Variants in SLX9 observed in about 807,000 individuals in gnomAD.
The protein encoded by SLX9 is ribosome biogenesis protein SLX9 homolog.
Under a neutral mutation model 20.8 loss-of-function variants are expected in SLX9, and 19 were observed. The ratio of observed to expected loss-of-function variants is 0.91; its 90% CI spans 0.64 to 1.34. The LOEUF (loss-of-function observed/expected upper bound fraction) is 1.34, where lower values mean the gene tolerates loss of function less well. Ranked by LOEUF, SLX9 falls within the 40% of genes most tolerant of loss-of-function variation. The probability of loss-of-function intolerance (pLI) is 0.00; values close to 1 mark genes in which losing one functional copy is unlikely to be tolerated. For synonymous variants in SLX9, 113 were observed against 137.1 expected (o/e 0.82, Z 1.23); for missense variants, 299 against 322.2 (o/e 0.93, Z 0.55).
chr21:44,953,841 C>G (rs918281860), intron 2 of SLX9, among the ~76,000 whole-genome samples: 9 of 152,222 alleles, frequency 5.9e-5, no homozygotes, highest in Admixed American at 5.9e-4. Flanking sequence ...CTGGTACTTT[C>G]CTCGCTGCAA....
At chr21:44,966,367 G>A (rs2123437855) in intron 3 of SLX9, among the ~76,000 whole-genome samples, 1 of 152,332 alleles carries the variant, frequency 6.6e-6, no homozygotes, top group South Asian at 2.1e-4. Context: ...TTGCCCTGAA[G>A]AGAGCAGGCC....
chr21:44,952,141 GCC>G (rs1320559514), intron 2 of SLX9, among the ~76,000 whole-genome samples: 1 of 131,872 alleles, frequency 7.6e-6, no homozygotes, highest in Admixed American at 7.0e-5. Flanking sequence ...GGCTTGGCCA[GCC>G]TCTTCTGTGC....
intron 1 of SLX9, among the ~76,000 whole-genome samples, chr21:44,940,672 ATT>A (rs34771024): frequency 0.2 from 29,906 of 146,084 alleles, 3,126 homozygotes; most frequent in African/African-American, 0.24. Flanking sequence ...TGCTTTCAGG[ATT>A]TTTTTTTTTT....
intron 4 of SLX9, among the ~76,000 whole-genome samples, chr21:44,971,294 G>A (rs1395036314): frequency 2.0e-5 from 3 of 152,208 alleles, no homozygotes; most frequent in South Asian, 2.1e-4. Context: ...GTTAGGCCTC[G>A]TGGAGTCGCG....
At chr21:44,946,946 C>T (rs2084654334) in intron 2 of SLX9, among the ~76,000 whole-genome samples, 3 of 152,218 alleles carry the variant, frequency 2.0e-5, no homozygotes, top group African/African-American at 7.2e-5. Context: ...GTGGGACCTG[C>T]AGACCCTTAG....
chr21:44,947,971 C>T (rs1349585831), intron 2 of SLX9, among the ~76,000 whole-genome samples: 1 of 152,214 alleles, frequency 6.6e-6, no homozygotes, highest in Admixed American at 6.5e-5. Flanking sequence ...GTGGCAGAGC[C>T]GGGGTGAGCA....
chr21:44,946,427 G>A (rs1425373363), intron 2 of SLX9, among the ~76,000 whole-genome samples: 6 of 150,284 alleles, frequency 4.0e-5, no homozygotes, highest in Non-Finnish European at 8.8e-5. Flanking sequence ...TGAGGGGCAC[G>A]AGGATGGGAA....
At chr21:44,973,787 C>A (rs1037627187) in intron 5 of SLX9, among the ~76,000 whole-genome samples, 4 of 152,178 alleles carry the variant, frequency 2.6e-5, no homozygotes, top group African/African-American at 9.6e-5. Flanking sequence ...TGCCTCTAGT[C>A]CCCTCCACGC....
At chr21:44,955,766 G>A (rs1028712673) in intron 2 of SLX9, among the ~76,000 whole-genome samples, 4 of 152,234 alleles carry the variant, frequency 2.6e-5, no homozygotes, top group Non-Finnish European at 5.9e-5. Flanking sequence ...CACGGCTGCT[G>A]AAGTTTTGTT....
chr21:44,947,843 G>A (rs2084672029), intron 2 of SLX9, among the ~76,000 whole-genome samples: 1 of 152,226 alleles, frequency 6.6e-6, no homozygotes, highest in Non-Finnish European at 1.5e-5. Flanking sequence ...CACCTCCCCA[G>A]CAGGACTCAG....
chr21:44,955,380 T>G (rs1568935320), intron 2 of SLX9, among the ~76,000 whole-genome samples: 1 of 152,222 alleles, frequency 6.6e-6, no homozygotes, highest in Admixed American at 6.5e-5. Context: ...GGGAAAGCTG[T>G]GCTTTCTCCA....
chr21:44,950,733 C>T (rs2084742042), intron 2 of SLX9, among the ~76,000 whole-genome samples: 1 of 152,232 alleles, frequency 6.6e-6, no homozygotes, highest in African/African-American at 2.4e-5. Context: ...AGACATAGTG[C>T]TGTTTCCTCC....
At chr21:44,959,540 CA>C (rs1329319749) in intron 2 of SLX9, among the ~76,000 whole-genome samples, 2 of 152,240 alleles carry the variant, frequency 1.3e-5, no homozygotes, top group Non-Finnish European at 2.9e-5. Flanking sequence ...GGACCAAGCA[CA>C]GGGGCACCTG....
At chr21:44,964,149 T>C (rs1392740824) in intron 3 of SLX9, among the ~76,000 whole-genome samples, 1 of 152,256 alleles carries the variant, frequency 6.6e-6, no homozygotes, top group African/African-American at 2.4e-5. Flanking sequence ...TATAGTTTTT[T>C]ATGCTGTCAT....
intron 4 of SLX9, among the ~76,000 whole-genome samples, chr21:44,971,314 G>C (rs547488269): frequency 2.6e-5 from 4 of 152,318 alleles, no homozygotes; most frequent in Admixed American, 6.5e-5. Flanking sequence ...GTCCCTGCCG[G>C]TGCTTGCCCT....
At chr21:44,945,802 C>T (rs527679118) in intron 2 of SLX9, among the ~76,000 whole-genome samples, 41 of 152,378 alleles carry the variant, frequency 2.7e-4, no homozygotes, top group Admixed American at 9.8e-4. Context: ...CCTCCGCCTC[C>T]TGGGTTCAAG....
intron 1 of SLX9, among the ~76,000 whole-genome samples, chr21:44,940,672 ATTTT>A (rs34771024): frequency 1.4e-4 from 21 of 146,126 alleles, no homozygotes; most frequent in Admixed American, 3.4e-4. Context: ...TGCTTTCAGG[ATTTT>A]TTTTTTTTTT....
At chr21:44,945,532 G>A (rs569436139) in intron 2 of SLX9, among the ~76,000 whole-genome samples, 178 of 152,104 alleles carry the variant, frequency 1.2e-3, no homozygotes, top group Non-Finnish European at 2.1e-3. Context: ...TGACTGTCAC[G>A]TCCCCTCTTC....
intron 2 of SLX9, among the ~76,000 whole-genome samples, chr21:44,959,666 G>A (rs940340783): frequency 6.6e-5 from 10 of 152,242 alleles, no homozygotes; most frequent in African/African-American, 2.4e-4. Flanking sequence ...CACGTACGTC[G>A]CTGGGCCTGA....
Sources: gnomAD v4.1 joint callset for allele counts (sites outside exome capture counted in the v4.1 genomes callset) on GRCh38, gnomAD v4.1.1 for gene constraint, MANE v1.5 for transcripts, NCBI Gene and HGNC (gene_info 2026-07-23, HGNC 2026-07-21) for gene names.